Variants in OPCML observed in about 807,000 individuals in gnomAD.
The protein encoded by OPCML is opioid binding protein/cell adhesion molecule like.
Under a neutral mutation model 37.8 loss-of-function variants are expected in OPCML, and 13 were observed. The ratio of observed to expected loss-of-function variants is 0.34; its 90% CI spans 0.22 to 0.55. The LOEUF (loss-of-function observed/expected upper bound fraction) is 0.55, where lower values mean the gene tolerates loss of function less well. Ranked by LOEUF, OPCML falls within the 20% of genes least tolerant of loss-of-function variation. The probability of loss-of-function intolerance (pLI) is 0.91; values close to 1 mark genes in which losing one functional copy is unlikely to be tolerated. For synonymous variants in OPCML, 176 were observed against 168.8 expected (o/e 1.04, Z -0.33); for missense variants, 341 against 435.6 (o/e 0.78, Z 1.93).
intron 1 of OPCML, among the ~76,000 whole-genome samples, chr11:133,384,322 C>A (rs1014008752): frequency 6.6e-6 from 1 of 151,704 alleles, no homozygotes; most frequent in East Asian, 1.9e-4. Context: ...TATCACCTCC[C>A]ACCCTCCACT....
intron 7 of OPCML, among the ~76,000 whole-genome samples, chr11:132,422,056 T>A (rs924781077): frequency 6.6e-6 from 1 of 152,206 alleles, no homozygotes; most frequent in African/African-American, 2.4e-5. Context: ...TATATATTTT[T>A]CTTAAAAAGT....
intron 1 of OPCML, among the ~76,000 whole-genome samples, chr11:133,021,787 A>G (rs896589702): frequency 4.9e-5 from 1 of 20,508 alleles, no homozygotes; most frequent in African/African-American, 6.3e-4. Context: ...ATCTGCACCC[A>G]GTGAGCACAG....
intron 2 of OPCML, among the ~76,000 whole-genome samples, chr11:132,818,026 G>A (rs1939730713): frequency 6.6e-6 from 1 of 152,140 alleles, no homozygotes; most frequent in African/African-American, 2.4e-5. Context: ...ACCGTGTTTA[G>A]AAAGCATAAA....
At chr11:133,471,004 CT>C (rs1220303845) in intron 1 of OPCML, among the ~76,000 whole-genome samples, 1 of 152,186 alleles carries the variant, frequency 6.6e-6, no homozygotes, top group Non-Finnish European at 1.5e-5. Flanking sequence ...AAGGAAAAGG[CT>C]TCTGTTAGAT....
At chr11:133,399,479 T>C (rs1945355053) in intron 1 of OPCML, among the ~76,000 whole-genome samples, 1 of 152,144 alleles carries the variant, frequency 6.6e-6, no homozygotes. Flanking sequence ...AGCCTCCTCA[T>C]CACCATCATC....
intron 1 of OPCML, among the ~76,000 whole-genome samples, chr11:133,524,259 A>G (rs1304213799): frequency 6.6e-6 from 1 of 152,254 alleles, no homozygotes; most frequent in Non-Finnish European, 1.5e-5. Flanking sequence ...CCAGACTGCG[A>G]TAAGTGAGTA....
At chr11:133,038,622 A>G (rs1204005670) in intron 1 of OPCML, among the ~76,000 whole-genome samples, 1 of 152,196 alleles carries the variant, frequency 6.6e-6, no homozygotes, top group East Asian at 1.9e-4. Flanking sequence ...ATTATCCCCC[A>G]TTACAGATGA....
At chr11:133,116,217 T>C (rs1047047719) in intron 1 of OPCML, among the ~76,000 whole-genome samples, 4 of 152,200 alleles carry the variant, frequency 2.6e-5, no homozygotes, top group Non-Finnish European at 4.4e-5. Flanking sequence ...TACACCCGCC[T>C]CGGCCTCCCA....
At chr11:133,207,059 G>T (rs533557595) in intron 1 of OPCML, among the ~76,000 whole-genome samples, 1 of 151,318 alleles carries the variant, frequency 6.6e-6, no homozygotes, top group South Asian at 2.1e-4. Context: ...AGGCCGAGGC[G>T]GGCGGATCTC....
chr11:132,687,722 C>T (rs931303186), intron 2 of OPCML, among the ~76,000 whole-genome samples: 5 of 151,840 alleles, frequency 3.3e-5, no homozygotes, highest in African/African-American at 1.2e-4. Context: ...AAAATCAACT[C>T]CCAAATTGAA....
At chr11:132,436,328 A>G in intron 6 of OPCML, 91 bp from the exon 7 acceptor site, 2 of 1,604,814 alleles carry the variant, frequency 1.2e-6, no homozygotes, top group Non-Finnish European at 1.7e-6. Flanking sequence ...TCGTCCTTCA[A>G]ACTCAAACCC....
intron 1 of OPCML, chr11:133,003,664 A>G (rs1392195986): frequency 4.6e-5 from 45 of 985,308 alleles, no homozygotes; most frequent in Admixed American, 6.1e-5. Flanking sequence ...TACTAAAAAA[A>G]CAAACAAAAT....
At chr11:133,105,452 GTT>G in intron 1 of OPCML, among the ~76,000 whole-genome samples, 1 of 152,198 alleles carries the variant, frequency 6.6e-6, no homozygotes, top group Non-Finnish European at 1.5e-5. Flanking sequence ...GAGAACCATT[GTT>G]TAGTGCCAGT....
At chr11:132,624,092 A>T (rs1939592489) in intron 3 of OPCML, among the ~76,000 whole-genome samples, 1 of 152,232 alleles carries the variant, frequency 6.6e-6, no homozygotes, top group Admixed American at 6.5e-5. Flanking sequence ...GACTCAATAA[A>T]TATTTGCAAT....
intron 2 of OPCML, among the ~76,000 whole-genome samples, chr11:132,668,608 A>G (rs543088137): frequency 1.6e-4 from 24 of 152,326 alleles, no homozygotes; most frequent in African/African-American, 5.8e-4. Context: ...ATATAATTCA[A>G]GCTCTATGAT....
intron 1 of OPCML, among the ~76,000 whole-genome samples, chr11:133,377,903 T>G (rs533755047): frequency 1.4e-4 from 22 of 152,176 alleles, no homozygotes; most frequent in Non-Finnish European, 2.8e-4. Context: ...TGCAAGCACA[T>G]TACTTCATTG....
At chr11:132,518,551 C>T (rs1341980883) in intron 4 of OPCML, among the ~76,000 whole-genome samples, 2 of 152,194 alleles carry the variant, frequency 1.3e-5, no homozygotes, top group Non-Finnish European at 2.9e-5. Context: ...GTGCTGTTCC[C>T]TGCCTTGAAG....
intron 2 of OPCML, among the ~76,000 whole-genome samples, chr11:132,735,195 G>A (rs1260838606): frequency 6.6e-6 from 1 of 151,926 alleles, no homozygotes; most frequent in African/African-American, 2.4e-5. Flanking sequence ...ATAGCTTCTG[G>A]GAAAAAATAT....
At chr11:132,979,202 G>A (rs537746856) in intron 1 of OPCML, among the ~76,000 whole-genome samples, 4 of 152,170 alleles carry the variant, frequency 2.6e-5, no homozygotes, top group South Asian at 2.1e-4. Flanking sequence ...GGATCACTCC[G>A]CACTTTCTGC....
Sources: gnomAD v4.1 joint callset for allele counts (sites outside exome capture counted in the v4.1 genomes callset) on GRCh38, gnomAD v4.1.1 for gene constraint, MANE v1.5 for transcripts, NCBI Gene and HGNC (gene_info 2026-07-23, HGNC 2026-07-21) for gene names.